Variants in THSD4 observed in about 807,000 individuals in gnomAD.
THSD4 encodes thrombospondin type-1 domain-containing protein 4.
Under a neutral mutation model 119.0 loss-of-function variants are expected in THSD4, and 69 were observed. The ratio of observed to expected loss-of-function variants is 0.58; its 90% CI spans 0.48 to 0.71. The LOEUF (loss-of-function observed/expected upper bound fraction) is 0.71, where lower values mean the gene tolerates loss of function less well. THSD4 is among the 30% of genes least tolerant of loss of function. The pLI, the probability that THSD4 is intolerant of heterozygous loss-of-function variation, is 0.00. For synonymous variants in THSD4, 524 were observed against 540.4 expected, an observed-to-expected ratio of 0.97 and a Z score of 0.42; for missense variants, 1,393 against 1,391.1, an observed-to-expected ratio of 1.00 and a Z score of -0.02.
chr15:71,313,870 G>A (rs934398383), intron 6 of THSD4, among the ~76,000 whole-genome samples: 2 of 152,192 alleles, frequency 1.3e-5, no homozygotes, highest in Non-Finnish European at 2.9e-5. Flanking sequence ...GTTCCTGTTA[G>A]AATGAGGGCT....
chr15:71,772,328 C>A (rs939036563), intron 17 of THSD4, among the ~76,000 whole-genome samples: 2 of 151,974 alleles, frequency 1.3e-5, no homozygotes, highest in Non-Finnish European at 2.9e-5. Context: ...CAGCAATGAC[C>A]CATGACTAAA....
chr15:71,547,155 C>T (rs1595874747), intron 7 of THSD4: 2 of 1,269,850 alleles, frequency 1.6e-6, no homozygotes, highest in African/African-American at 1.5e-5. Flanking sequence ...AAGGCAGCCC[C>T]CCAGCTCCCA....
chr15:71,554,008 T>C (rs2048975329), intron 7 of THSD4, among the ~76,000 whole-genome samples: 1 of 152,068 alleles, frequency 6.6e-6, no homozygotes, highest in African/African-American at 2.4e-5. Context: ...TTGATAGTTT[T>C]GTAAAATCAA....
At chr15:71,408,360 G>A (rs1351760753) in intron 6 of THSD4, among the ~76,000 whole-genome samples, 1 of 152,086 alleles carries the variant, frequency 6.6e-6, no homozygotes, top group South Asian at 2.1e-4. Context: ...AGCCTCCTGA[G>A]TAGCTGGGAC....
At chr15:71,160,062 A>G (rs1228690120) in intron 3 of THSD4, among the ~76,000 whole-genome samples, 2 of 152,068 alleles carry the variant, frequency 1.3e-5, no homozygotes, top group East Asian at 1.9e-4. Flanking sequence ...CTTTTTCTGC[A>G]TCTTTTGAAA....
At position 71,716,729 on chromosome 15, in the gene THSD4, C is replaced by T. The variant is rs562217966; in HGVS notation, c.1358-11820C>T. On this transcript the variant is annotated intron_variant, in intron 8 of 17. Transcript: ENST00000261862. The stretch of plus-strand genomic sequence containing the variant: ...GACCGCACACTATCATCCTCCTACC[C>T]GACTTCCAGGGCCTTTTTCCCTCAA... 6.0e-4 allele frequency among the ~76,000 whole-genome samples: 92 copies of T among 152,232 alleles called. No homozygotes were observed. In the South Asian group the frequency reaches 0.014, roughly 24 times the overall value.
chr15:71,371,260 A>G (rs2046042851), intron 6 of THSD4, among the ~76,000 whole-genome samples: 1 of 152,140 alleles, frequency 6.6e-6, no homozygotes, highest in Non-Finnish European at 1.5e-5. Flanking sequence ...TTTTAATTGT[A>G]GCATTTAGCC....
At chr15:71,544,263 C>A (rs541122755) in intron 7 of THSD4, among the ~76,000 whole-genome samples, 1 of 152,124 alleles carries the variant, frequency 6.6e-6, no homozygotes, top group South Asian at 2.1e-4. Context: ...TGCCACCTAC[C>A]GCTGTGTGAC....
chr15:71,118,660 TC>T (rs1240600906), intron 1 of THSD4, among the ~76,000 whole-genome samples: 1 of 152,252 alleles, frequency 6.6e-6, no homozygotes, highest in Non-Finnish European at 1.5e-5. Context: ...TTTCTGGTTT[TC>T]CCATCTTTTT....
chr15:71,519,527 A>G (rs1367539225), intron 7 of THSD4, among the ~76,000 whole-genome samples: 3 of 151,960 alleles, frequency 2.0e-5, no homozygotes, highest in Non-Finnish European at 2.9e-5. Context: ...ACACCTAGCT[A>G]ATTTTTGTAT....
intron 6 of THSD4, among the ~76,000 whole-genome samples, chr15:71,271,560 G>C (rs2044530681): frequency 6.6e-6 from 1 of 152,066 alleles, no homozygotes; most frequent in African/African-American, 2.4e-5. Context: ...TATACACATG[G>C]GTGTATACAG....
At chr15:71,436,371 G>T (rs888909407) in intron 7 of THSD4, among the ~76,000 whole-genome samples, 2 of 152,146 alleles carry the variant, frequency 1.3e-5, no homozygotes, top group African/African-American at 4.8e-5. Context: ...ATACACCAGA[G>T]CTGCTATACT....
chr15:71,308,613 A>G (rs1005436348), intron 6 of THSD4, among the ~76,000 whole-genome samples: 1 of 152,214 alleles, frequency 6.6e-6, no homozygotes, highest in Non-Finnish European at 1.5e-5. Flanking sequence ...ATTGCCAAGT[A>G]ATATTCCATG....
chr15:71,588,943 A>G (rs192340329), intron 7 of THSD4, among the ~76,000 whole-genome samples: 1 of 152,286 alleles, frequency 6.6e-6, no homozygotes, highest in South Asian at 2.1e-4. Context: ...CTGAGTGTTG[A>G]CAATTTGGTC....
chr15:71,389,422 AC>A (rs1184440271), intron 6 of THSD4, among the ~76,000 whole-genome samples: 1 of 149,424 alleles, frequency 6.7e-6, no homozygotes, highest in East Asian at 2.0e-4. Flanking sequence ...TAGCACAATC[AC>A]CTCAAGGTTC....
chr15:71,765,846 A>C (rs907763212), intron 16 of THSD4, among the ~76,000 whole-genome samples: 1 of 151,436 alleles, frequency 6.6e-6, no homozygotes. Flanking sequence ...TCCTATAGAC[A>C]TTCTGGATTA....
intron 8 of THSD4, among the ~76,000 whole-genome samples, chr15:71,687,262 G>A (rs1018735225): frequency 1.3e-5 from 2 of 152,044 alleles, no homozygotes; most frequent in Non-Finnish European, 1.5e-5. Context: ...ATGTTGTTAG[G>A]TTTTGCTGTT....
At chr15:71,532,275 AGAGAGAGAGT>A (rs1191502261) in intron 7 of THSD4, among the ~76,000 whole-genome samples, 10 of 123,008 alleles carry the variant, frequency 8.1e-5, no homozygotes, top group African/African-American at 2.5e-4. Flanking sequence ...AGAGAGAGAG[AGAGAGAGAGT>A]GTGTGTGTGT....
At chr15:71,395,914 G>GACACACACACACACACACACACACAC (rs58433075) in intron 6 of THSD4, among the ~76,000 whole-genome samples, 1 of 133,296 alleles carries the variant, frequency 7.5e-6, no homozygotes, top group Admixed American at 7.8e-5. Flanking sequence ...TTTGAAGAGA[G>GACACACACACACACACACACACACAC]ACACACACAC....
Sources: gnomAD v4.1 joint callset for allele counts (sites outside exome capture counted in the v4.1 genomes callset) on GRCh38, gnomAD v4.1.1 for gene constraint, MANE v1.5 for transcripts, NCBI Gene and HGNC (gene_info 2026-07-23, HGNC 2026-07-21) for gene names.